SPTBN1: variants seen among roughly 807,000 people sequenced by gnomAD.
SPTBN1 encodes the protein spectrin beta chain, non-erythrocytic 1.
In SPTBN1, 32 loss-of-function variants were observed where a neutral mutation model predicts 266.4. The observed-to-expected ratio is 0.12, with a 90% CI of 0.09 to 0.16. The LOEUF is 0.16. Ranked by LOEUF, SPTBN1 falls within the 10% of genes least tolerant of loss-of-function variation. SPTBN1 has a pLI of 1.00. For missense variants in SPTBN1, 2,296 were observed against 3,067.1 expected, an observed-to-expected ratio of 0.75 and a Z score of 5.94; for synonymous variants, 1,336 against 1,162.2, an observed-to-expected ratio of 1.15 and a Z score of -3.04.
rs914411655 is a variant in SPTBN1, at chr2:54,669,687, AGTT to A, written c.*1125_*1127del. 2.6e-5 allele frequency: 4 copies of A among 152,642 alleles called. No individual in the cohort carries two copies. The highest frequency in any genetic ancestry group is 3.8e-4 in the East Asian group (2 of 5,206). 9.5% of individuals were successfully genotyped at this position (152,642 alleles called of 1,614,324 possible). ...TGCTTTTAAATCTAGCACGGTGACTAGTTGTTGTTCTTCCTCTGCTGCGTGTGC... is the reference window on the plus strand; with the variant it reads ...TGCTTTTAAATCTAGCACGGTGACTAGTTGTTCTTCCTCTGCTGCGTGTGC... On this transcript the variant is annotated 3_prime_UTR_variant, in exon 36 of 36. Coordinates refer to ENST00000356805, the MANE Select transcript of SPTBN1 (RefSeq NM_003128.3).
At chr2:54,592,208 A>C (rs527899501) in intron 2 of SPTBN1, among the ~76,000 whole-genome samples, 1 of 152,196 alleles carries the variant, frequency 6.6e-6, no homozygotes, top group South Asian at 2.1e-4. Flanking sequence ...TTAAAAAATT[A>C]CATAGACGCA....
chr2:54,501,353 G>C (rs1473077057), intron 1 of SPTBN1, among the ~76,000 whole-genome samples: 3 of 151,856 alleles, frequency 2.0e-5, no homozygotes, highest in Non-Finnish European at 4.4e-5. Flanking sequence ...AGCTAACTAA[G>C]ACTGACAAAT....
At chr2:54,652,377 C>T (rs1201335344) in intron 26 of SPTBN1, 1 of 152,172 alleles carries the variant, frequency 6.6e-6, no homozygotes, top group African/African-American at 2.4e-5. Context: ...ACTTCATTGT[C>T]ATCTTGGTGT....
At position 54,629,651 on chromosome 2, in the gene SPTBN1, G is replaced by A. The variant is rs1558446156; in HGVS notation, c.2517G>A (p.Arg839=). 2 of 1,613,884 alleles carry A rather than the reference G, an allele frequency of 1.2e-6. No individual in the cohort carries two copies. The highest frequency in any genetic ancestry group is 2.2e-5 in the East Asian group (1 of 44,890). ...ERYKEVAELT[R]LRKQALQDTL... ...ATAAGGAGGTGGCAGAGCTGACGCG[G>A]CTGCGGAAGCAGGCACTCCAGGACA... is the stretch of plus-strand genomic sequence containing the variant. Residue 839 remains arginine (R), a synonymous_variant, in exon 14 of 36, where the codon CGG becomes CGA. Transcript: ENST00000356805.
intron 30 of SPTBN1, 28 bp from the exon 31 acceptor site, chr2:54,659,126 T>C (rs2104203796): frequency 6.2e-7 from 1 of 1,612,152 alleles, no homozygotes; most frequent in Non-Finnish European, 8.5e-7. Flanking sequence ...TTTGGGACTC[T>C]ACCAAACATC....
chr2:54,561,879 TA>T (rs56934076), intron 2 of SPTBN1, among the ~76,000 whole-genome samples: 1 of 147,460 alleles, frequency 6.8e-6, no homozygotes, highest in African/African-American at 2.5e-5. Flanking sequence ...TAAGTGTGAT[TA>T]AAAAAAAAAC....
At chr2:54,479,766 T>A (rs549399779) in intron 1 of SPTBN1, among the ~76,000 whole-genome samples, 13 of 152,334 alleles carry the variant, frequency 8.5e-5, no homozygotes, top group African/African-American at 2.6e-4. Context: ...TGTAGCTATT[T>A]AAAAAATTAT....
At chr2:54,588,282 T>C (rs1346390415) in intron 2 of SPTBN1, among the ~76,000 whole-genome samples, 2 of 152,184 alleles carry the variant, frequency 1.3e-5, no homozygotes, top group Non-Finnish European at 2.9e-5. Context: ...GGCTGAAGTT[T>C]GCTGACTCCT....
chr2:54,459,696 G>A lies in SPTBN1; in HGVS notation c.-48+3178G>A, dbSNP rs573489042. On this transcript the variant is annotated intron_variant, in intron 1 of 35. Transcript: ENST00000356805. ...AATTGGGCTTTATTTAATGGCAGCC[G>A]TAGTTTCTTTCACTACATTATTGGA... Among the ~76,000 whole-genome samples, 5 of 152,182 alleles carry A rather than the reference G, an allele frequency of 3.3e-5. No individual in the cohort carries two copies. In the South Asian group the frequency reaches 6.2e-4, roughly 19 times the overall value.
intron 3 of SPTBN1, among the ~76,000 whole-genome samples, chr2:54,609,305 G>A (rs76012446): frequency 0.066 from 10,042 of 152,156 alleles, 407 homozygotes; most frequent in African/African-American, 0.11. Context: ...TCCAAGATCC[G>A]TATCATGAAA....
intron 1 of SPTBN1, among the ~76,000 whole-genome samples, chr2:54,519,838 C>T (rs1028929628): frequency 2.0e-5 from 3 of 151,998 alleles, no homozygotes; most frequent in East Asian, 1.9e-4. Flanking sequence ...TCAGGAGGTA[C>T]GAGTTACCTT....
intron 2 of SPTBN1, among the ~76,000 whole-genome samples, chr2:54,561,881 A>G (rs1673332533): frequency 6.7e-6 from 1 of 150,322 alleles, no homozygotes; most frequent in East Asian, 1.9e-4. Context: ...AGTGTGATTA[A>G]AAAAAAAACC....
rs566322147 is a variant in SPTBN1 at position 54,636,437 on chromosome 2, A to G, written c.3768-1276A>G. ...GTAGCCACTGGTACCTGCAGGAGCT[A>G]TAGGGGCAGAGGGCTTTTCCCTTTG... On this transcript the variant is annotated intron_variant, in intron 17 of 35. Transcript: ENST00000356805. 2.6e-5 allele frequency among the ~76,000 whole-genome samples: 4 copies of G among 152,342 alleles called. No homozygotes were observed. The South Asian group carries it at 8.3e-4, about 32-fold the overall frequency.
rs779801458 is a variant in SPTBN1, at chr2:54,655,946, G to A, written c.5994G>A (p.Lys1998=). The A allele has an allele frequency of 6.2e-7, 1 of 1,613,596 alleles. No individual in the cohort carries two copies. ...IKEKLLQLTE[K]RKEMIDKWED... ...AAAAATTACTGCAGTTGACGGAAAA[G>A]AGGAAAGAAATGATCGACAAGTGGG... Residue 1998 remains lysine (K), a synonymous_variant, in exon 29 of 36, where the codon AAG becomes AAA. Coordinates refer to ENST00000356805, the MANE Select transcript of SPTBN1 (RefSeq NM_003128.3).
At chr2:54,560,991 T>C (rs961624038) in intron 2 of SPTBN1, among the ~76,000 whole-genome samples, 3 of 152,254 alleles carry the variant, frequency 2.0e-5, no homozygotes, top group Non-Finnish European at 2.9e-5. Context: ...GTAGTTCTGA[T>C]TATCACATAT....
chr2:54,562,305 C>T (rs1673357502), intron 2 of SPTBN1, among the ~76,000 whole-genome samples: 2 of 152,118 alleles, frequency 1.3e-5, no homozygotes, highest in Non-Finnish European at 2.9e-5. Context: ...TTGCTTGTGC[C>T]ATTGTGTAAA....
intron 1 of SPTBN1, among the ~76,000 whole-genome samples, chr2:54,522,469 A>G (rs1474419650): frequency 2.0e-5 from 3 of 151,766 alleles, no homozygotes; most frequent in Non-Finnish European, 2.9e-5. Context: ...CATTTCTACT[A>G]AAAATACAAA....
At chr2:54,652,320 CTTATTT>C (rs1238325654) in intron 26 of SPTBN1, among the ~76,000 whole-genome samples, 2 of 152,164 alleles carry the variant, frequency 1.3e-5, no homozygotes, top group Non-Finnish European at 2.9e-5. Flanking sequence ...AGAATGTAAT[CTTATTT>C]TTGTTTTTAC....
chr2:54,486,422 C>T (rs530986063), intron 1 of SPTBN1, among the ~76,000 whole-genome samples: 2,449 of 152,168 alleles, frequency 0.016, 64 homozygotes, highest in African/African-American at 0.052. Context: ...TGACCTTACC[C>T]CCAACCCTGT....
Sources: gnomAD v4.1 joint callset for allele counts (sites outside exome capture counted in the v4.1 genomes callset) on GRCh38, gnomAD v4.1.1 for gene constraint, MANE v1.5 for transcripts, NCBI Gene and HGNC (gene_info 2026-07-23, HGNC 2026-07-21) for gene names.